The following MBOAT1 variants were observed in gnomAD, a reference collection of about 807,000 sequenced individuals.
The protein encoded by MBOAT1 is membrane bound glycerophospholipid O-acyltransferase 1, also known as membrane-bound glycerophospholipid O-acyltransferase 1.
Under a neutral mutation model 64.4 loss-of-function variants are expected in MBOAT1, and 67 were observed. The ratio of observed to expected loss-of-function variants is 1.04; its 90% CI spans 0.85 to 1.27. The LOEUF (loss-of-function observed/expected upper bound fraction) is 1.27. MBOAT1 is among the 50% of genes most tolerant of loss of function. The pLI is 0.00. For missense variants in MBOAT1, 563 were observed against 604.6 expected, an observed-to-expected ratio of 0.93 and a Z score of 0.72; for synonymous variants, 229 against 218.9, an observed-to-expected ratio of 1.05 and a Z score of -0.41.
intron 9 of MBOAT1, among the ~76,000 whole-genome samples, chr6:20,116,025 G>A (rs1363214519): frequency 6.6e-6 from 1 of 151,536 alleles, no homozygotes; most frequent in East Asian, 1.9e-4. Flanking sequence ...TCTTATCCAA[G>A]TTCTAGTGAT....
At chr6:20,195,604 CCT>C (rs1762931970) in intron 1 of MBOAT1, among the ~76,000 whole-genome samples, 1 of 89,562 alleles carries the variant, frequency 1.1e-5, no homozygotes, top group Non-Finnish European at 2.5e-5. Context: ...AAATAAATTG[CCT>C]GTGTGTGTGT....
intron 4 of MBOAT1, 29 bp downstream of exon 4, chr6:20,144,191 A>C: frequency 2.9e-5 from 42 of 1,470,382 alleles, no homozygotes; most frequent in Non-Finnish European, 3.7e-5. Context: ...TCAGCAGTAA[A>C]ACCCCTCTCT....
intron 3 of MBOAT1, among the ~76,000 whole-genome samples, chr6:20,148,915 A>G (rs1445068699): frequency 6.6e-6 from 1 of 151,956 alleles, no homozygotes; most frequent in Non-Finnish European, 1.5e-5. Flanking sequence ...ATCCTGGCCA[A>G]CATAGTGAAA....
chr6:20,202,584 T>C (rs1483481873), intron 1 of MBOAT1, among the ~76,000 whole-genome samples: 1 of 151,468 alleles, frequency 6.6e-6, no homozygotes, highest in East Asian at 1.9e-4. Context: ...TACAAGGAAG[T>C]TGGTAAATGA....
At chr6:20,171,703 TATCACTGAAAGCAGAAA>T (rs1462357448) in intron 1 of MBOAT1, among the ~76,000 whole-genome samples, 1 of 151,972 alleles carries the variant, frequency 6.6e-6, no homozygotes, top group African/African-American at 2.4e-5. Context: ...ACCCCAGCAG[TATCACTGAAAGCAGAAA>T]ATCATTTTAC....
intron 4 of MBOAT1, among the ~76,000 whole-genome samples, chr6:20,141,342 CTTTTCTTTTTCTTTTTCTTT>C (rs1419510475): frequency 1.5e-5 from 2 of 135,824 alleles, no homozygotes; most frequent in Admixed American, 1.6e-4. Context: ...CTCATTTTTT[CTTTTCTTTTTCTTTTTCTTT>C]TTTTTTTTTT....
At chr6:20,184,903 G>GTGTGTGTGTGTC (rs950324547) in intron 1 of MBOAT1, among the ~76,000 whole-genome samples, 37 of 151,874 alleles carry the variant, frequency 2.4e-4, no homozygotes, top group Admixed American at 9.9e-4. Context: ...GTGTGTGTGT[G>GTGTGTGTGTGTC]TGTGTGTGTA....
intron 10 of MBOAT1, among the ~76,000 whole-genome samples, chr6:20,114,883 CAAAA>C (rs34238970): frequency 6.9e-5 from 8 of 116,166 alleles, no homozygotes; most frequent in Admixed American, 1.7e-4. Context: ...AACTCCTTCT[CAAAA>C]AAAAAAAAAA....
In MBOAT1 at chr6:20,100,379, A is replaced by G. The variant is rs1001243835; in HGVS notation, c.*1907T>C. Among the ~76,000 whole-genome samples the G allele has an allele frequency of 2.0e-5, 3 of 152,204 alleles. No homozygotes were observed. Among genetic ancestry groups the G allele is most frequent in the African/African-American group, 7.2e-5 (3 of 41,454 alleles). On this transcript the variant is annotated 3_prime_UTR_variant, in exon 13 of 13. Coordinates refer to ENST00000324607, the MANE Select transcript of MBOAT1 (RefSeq NM_001080480.3). ...GTGGAGACAAACTCTGACAGATTTT[A>G]GATACCTACAACCCCCTTCCCCTAC...
intron 2 of MBOAT1, among the ~76,000 whole-genome samples, chr6:20,151,580 A>T (rs1761494520): frequency 6.6e-6 from 1 of 152,220 alleles, no homozygotes; most frequent in Non-Finnish European, 1.5e-5. Flanking sequence ...TTTATTTTTT[A>T]AACTGGGCTT....
intron 1 of MBOAT1, among the ~76,000 whole-genome samples, chr6:20,178,496 A>G (rs897007275): frequency 1.5e-4 from 23 of 152,220 alleles, no homozygotes; most frequent in Admixed American, 5.2e-4. Context: ...TGTCCCACAG[A>G]ACACCACTTC....
chr6:20,168,640 A>AGAGAGGAGAGGAGAG (rs1561773405), intron 1 of MBOAT1, among the ~76,000 whole-genome samples: 18 of 53,686 alleles, frequency 3.4e-4, no homozygotes, highest in Non-Finnish European at 5.2e-4. Flanking sequence ...AGAGAAGAGA[A>AGAGAGGAGAGGAGAG]GAGAGGAGAG....
At chr6:20,150,740 G>GT (rs1761468810) in intron 3 of MBOAT1, among the ~76,000 whole-genome samples, 1 of 138,840 alleles carries the variant, frequency 7.2e-6, no homozygotes. Flanking sequence ...ATTTTTTTTG[G>GT]GTTTTTTTTT....
Position 20,105,835 on chromosome 6 carries a change from G to C in MBOAT1, c.1362-3423C>G, listed in dbSNP as rs192630119. ...GTTATTACCCACTGAATTTAAGAAA[G>C]AGTTATCCAATTCAAGACAAAATGA... On this transcript the variant is annotated intron_variant, in intron 12 of 12. Coordinates refer to ENST00000324607, the MANE Select transcript of MBOAT1 (RefSeq NM_001080480.3). 6.9e-4 allele frequency among the ~76,000 whole-genome samples: 105 copies of C among 152,296 alleles called. 1 individual carries two copies. The highest frequency in any genetic ancestry group is 6.7e-3 in the Admixed American group (102 of 15,294).
rs999139496 is a variant in MBOAT1, at chr6:20,151,128, C to G, written c.323+57G>C. The stretch of plus-strand genomic sequence containing the variant: ...CCATCTTTACACTGGAAATATATTT[C>G]AAAGATCACAAAAAAAAGAAAATCT... On this transcript the variant is annotated intron_variant, in intron 3 of 12. Coordinates refer to ENST00000324607, the MANE Select transcript of MBOAT1 (RefSeq NM_001080480.3). 15 of 1,268,650 alleles carry G rather than the reference C, an allele frequency of 1.2e-5. No homozygotes were observed. The African/African-American group carries it at 1.9e-4, about 16-fold the overall frequency. The allele number at this position is 1,268,650 out of a possible 1,614,324, so 78.6% of individuals were successfully genotyped here.
At chr6:20,172,875 T>C (rs939857570) in intron 1 of MBOAT1, among the ~76,000 whole-genome samples, 2 of 152,122 alleles carry the variant, frequency 1.3e-5, no homozygotes, top group African/African-American at 2.4e-5. Flanking sequence ...CCAAATCTCA[T>C]GTTGAATTGT....
intron 4 of MBOAT1, among the ~76,000 whole-genome samples, chr6:20,133,426 C>T (rs1402164626): frequency 6.6e-6 from 1 of 152,158 alleles, no homozygotes; most frequent in Non-Finnish European, 1.5e-5. Context: ...GACTTCTGAC[C>T]CATAACATGT....
chr6:20,212,122 C>T lies in MBOAT1; in HGVS notation c.99+14G>A, dbSNP rs375680731. ...TGGGGAGCTGGGGTCGCTGCGCTCC[C>T]GGCCTGCAGTTACCTGGTCCAGCGG... On this transcript the variant is annotated intron_variant, in intron 1 of 12. Coordinates refer to ENST00000324607, the MANE Select transcript of MBOAT1 (RefSeq NM_001080480.3). The T allele has an allele frequency of 5.6e-6, 9 of 1,611,646 alleles. No homozygotes were observed. Among genetic ancestry groups the T allele is most frequent in the Non-Finnish European group, 7.6e-6 (9 of 1,178,950 alleles).
chr6:20,211,979 C>CAT, intron 1 of MBOAT1, 157 bp downstream of exon 1: 1 of 563,260 alleles, frequency 1.8e-6, no homozygotes. Context: ...AACACACACA[C>CAT]ACACACACAC....
Sources: gnomAD v4.1 joint callset for allele counts (sites outside exome capture counted in the v4.1 genomes callset) on GRCh38, gnomAD v4.1.1 for gene constraint, MANE v1.5 for transcripts, NCBI Gene and HGNC (gene_info 2026-07-23, HGNC 2026-07-21) for gene names.